PTPRS: variants seen among roughly 807,000 people sequenced by gnomAD.
PTPRS encodes the protein receptor-type tyrosine-protein phosphatase S.
A neutral mutation model predicts 215.3 loss-of-function variants in PTPRS; 63 were observed. The observed-to-expected ratio is 0.29, with a 90% CI of 0.24 to 0.36. The LOEUF (loss-of-function observed/expected upper bound fraction) is 0.36. PTPRS is among the 10% of genes least tolerant of loss of function. The pLI is 1.00. For missense variants in PTPRS, 2,258 were observed against 2,825.8 expected, an observed-to-expected ratio of 0.80 and a Z score of 4.56; for synonymous variants, 1,404 against 1,191.4, an observed-to-expected ratio of 1.18 and a Z score of -3.68.
intron 25 of PTPRS, 37 bp from the exon 26 acceptor site, chr19:5,216,804 A>G (rs1568384380): frequency 1.4e-6 from 2 of 1,404,430 alleles, no homozygotes; most frequent in Non-Finnish European, 2.0e-6. Flanking sequence ...GAAAACATGC[A>G]GGGGGTAGGG....
intron 1 of PTPRS, among the ~76,000 whole-genome samples, chr19:5,331,561 C>T (rs568509928): frequency 1.2e-4 from 19 of 152,232 alleles, no homozygotes; most frequent in Non-Finnish European, 2.2e-4. Flanking sequence ...ACCAGCAGCA[C>T]CCCCCTGGAC....
chr19:5,238,884 T>G, intron 13 of PTPRS, 35 bp downstream of exon 13: 1 of 1,555,456 alleles, frequency 6.4e-7, no homozygotes, highest in Non-Finnish European at 8.6e-7. Flanking sequence ...CCGTGGTCCC[T>G]CCCGCAGAGA....
intron 25 of PTPRS, among the ~76,000 whole-genome samples, chr19:5,218,068 A>G (rs539126676): frequency 6.6e-6 from 1 of 152,296 alleles, no homozygotes; most frequent in Non-Finnish European, 1.5e-5. Context: ...AGGAACATTA[A>G]AACCAGAGAC....
rs545064898 is a variant in PTPRS, at chr19:5,220,510, C to T, written c.3456-157G>A. On this transcript the variant is annotated intron_variant, in intron 20 of 37. Coordinates refer to ENST00000262963, the MANE Select transcript of PTPRS (RefSeq NM_002850.4). ...GCCCCATCCACAAACGCCACAGTTG[C>T]TGACTCAGGCCTCCAGGCCTTGGAT... Among the ~76,000 whole-genome samples, 11 of 152,374 alleles carry T rather than the reference C, an allele frequency of 7.2e-5. No homozygotes were observed. The South Asian group carries it at 1.9e-3, about 26-fold the overall frequency.
At chr19:5,303,954 A>AAAAAAAAAAAAATAAT in intron 1 of PTPRS, among the ~76,000 whole-genome samples, 1 of 132,246 alleles carries the variant, frequency 7.6e-6, no homozygotes, top group African/African-American at 3.1e-5. Context: ...CTGTCTCAAA[A>AAAAAAAAAAAAATAAT]AATAATAATA....
At chr19:5,219,197 C>T in intron 23 of PTPRS, 113 bp downstream of exon 23, 1 of 1,413,706 alleles carries the variant, frequency 7.1e-7, no homozygotes, top group Non-Finnish European at 9.7e-7. Context: ...ACTTCGGTTT[C>T]CCCATGTGTA....
chr19:5,242,087 G>A (rs1335686963), intron 11 of PTPRS, among the ~76,000 whole-genome samples: 3 of 152,236 alleles, frequency 2.0e-5, no homozygotes, highest in African/African-American at 7.2e-5. Flanking sequence ...ACCTGCCTCA[G>A]CCTCCCAACG....
chr19:5,206,366 A>C lies in PTPRS; in HGVS notation c.*408T>G. On this transcript the variant is annotated 3_prime_UTR_variant, in exon 38 of 38. Transcript: ENST00000262963. Reference sequence around the variant, plus strand: ...ATTCTGGTCCCAGCCCAGTGTCCCCAGGCTGCAGAGCGGGGAGGAGCCCCC... The same window carrying C: ...ATTCTGGTCCCAGCCCAGTGTCCCCCGGCTGCAGAGCGGGGAGGAGCCCCC... 4.2e-6 allele frequency: 1 copy of C among 237,988 alleles called. No homozygotes were observed. Among genetic ancestry groups the C allele is most frequent in the East Asian group, 6.2e-5 (1 of 16,120 alleles). 14.7% of individuals were successfully genotyped at this position (237,988 alleles called of 1,614,324 possible). A position where few individuals can be genotyped will look rare whatever the true frequency, so the allele number is the denominator to read the frequency against.
intron 4 of PTPRS, among the ~76,000 whole-genome samples, chr19:5,270,937 C>T (rs1387966881): frequency 1.3e-5 from 2 of 152,144 alleles, no homozygotes; most frequent in African/African-American, 4.8e-5. Context: ...AAGCACAGGG[C>T]CTGAGGGAGG....
rs2049074704 is a variant in PTPRS at position 5,294,662 on chromosome 19, C to A, written c.-94-8428G>T. On this transcript the variant is annotated intron_variant, in intron 1 of 37. Transcript: ENST00000262963. This position sits in a 1 kb window ranked among gnomAD's most constrained non-coding sequence, Gnocchi z 5.1. ...CTTCAAACATCGAATAAATGCCTCC[C>A]TCACTGGGGGATACCACACTGCCCC... 1.3e-5 allele frequency: 2 copies of A among 152,248 alleles called. No homozygotes were observed. Among genetic ancestry groups the A allele is most frequent in the Admixed American group, 6.5e-5 (1 of 15,282 alleles). The allele number at this position is 152,248 out of a possible 1,614,324, so 9.4% of individuals were successfully genotyped here.
At chr19:5,312,325 G>A (rs996188638) in intron 1 of PTPRS, among the ~76,000 whole-genome samples, 9 of 152,088 alleles carry the variant, frequency 5.9e-5, no homozygotes, top group East Asian at 1.9e-4. Context: ...TGTGTGGGAC[G>A]AGAAGGTGAG....
At chr19:5,328,212 G>A (rs2050221955) in intron 1 of PTPRS, among the ~76,000 whole-genome samples, 2 of 152,094 alleles carry the variant, frequency 1.3e-5, no homozygotes, top group Admixed American at 6.5e-5. Flanking sequence ...TGCCTCCCGG[G>A]TTCAAGCGAT....
At chr19:5,277,750 T>A (rs1722176358) in intron 2 of PTPRS, 1 of 689,650 alleles carries the variant, frequency 1.5e-6, no homozygotes, top group Non-Finnish European at 2.7e-6. Flanking sequence ...GCCCTCAGAC[T>A]CCTCATGAAG....
intron 1 of PTPRS, among the ~76,000 whole-genome samples, chr19:5,332,451 A>T (rs1301043610): frequency 6.6e-6 from 1 of 152,158 alleles, no homozygotes; most frequent in African/African-American, 2.4e-5. Flanking sequence ...TTTACTTAAA[A>T]TCTAGATTTC....
chr19:5,222,272 T>G, intron 18 of PTPRS, 52 bp from the exon 19 acceptor site: 11 of 1,408,108 alleles, frequency 7.8e-6, no homozygotes, highest in Non-Finnish European at 1.0e-5. Flanking sequence ...GCCCCATGAG[T>G]GCCTGGCACT....
At chr19:5,272,175 G>T (rs946244729) in intron 4 of PTPRS, among the ~76,000 whole-genome samples, 1 of 152,144 alleles carries the variant, frequency 6.6e-6, no homozygotes, top group African/African-American at 2.4e-5. Flanking sequence ...AGCACAGAGT[G>T]GTTGGGCAAG....
chr19:5,215,201 G>T, intron 28 of PTPRS, 88 bp downstream of exon 28: 1 of 1,548,556 alleles, frequency 6.5e-7, no homozygotes, highest in Non-Finnish European at 8.8e-7. Flanking sequence ...ACCAGAATCA[G>T]GCCTCAGTGG....
intron 13 of PTPRS, among the ~76,000 whole-genome samples, chr19:5,238,254 G>T (rs2043657420): frequency 6.6e-6 from 1 of 152,100 alleles, no homozygotes; most frequent in Non-Finnish European, 1.5e-5. Flanking sequence ...CAACTGCCAG[G>T]TGAAGGGTGA....
At position 5,328,686 on chromosome 19, in the gene PTPRS, T is replaced by C. The variant is rs1023581696; in HGVS notation, c.-95+11978A>G. On this transcript the variant is annotated intron_variant, in intron 1 of 37. Transcript: ENST00000262963. ...TGAGCTGAGCTTTAATCCCAGCACTTTGGGAGGCTGAGACAGGTGGATCAC... is the reference window on the plus strand; with the variant it reads ...TGAGCTGAGCTTTAATCCCAGCACTCTGGGAGGCTGAGACAGGTGGATCAC... Among the ~76,000 whole-genome samples, 7 of 151,700 alleles carry C rather than the reference T, an allele frequency of 4.6e-5. No homozygotes were observed. The South Asian group carries it at 1.0e-3, about 23-fold the overall frequency.
Sources: allele counts gnomAD v4.1 joint callset (sites outside exome capture counted in the v4.1 genomes callset), GRCh38; gene constraint gnomAD v4.1.1; non-coding constraint Gnocchi (gnomAD v3.1); transcripts MANE v1.5; gene names NCBI Gene and HGNC (gene_info 2026-07-23, HGNC 2026-07-21).